Variants in FTO observed in about 807,000 individuals in gnomAD.
FTO encodes the protein FTO alpha-ketoglutarate dependent dioxygenase.
In FTO, 47 loss-of-function variants were observed where a neutral mutation model predicts 63.9. The observed-to-expected ratio is 0.74, with a 90% CI of 0.58 to 0.94. The LOEUF (loss-of-function observed/expected upper bound fraction) is 0.94. Among genes scored for constraint, FTO ranks in the 40% least tolerant of loss-of-function variants. FTO has a pLI of 0.00. For missense variants in FTO, 562 were observed against 618.1 expected (o/e 0.91, Z 0.96); for synonymous variants, 207 against 224.4 (o/e 0.92, Z 0.69).
At chr16:54,028,258 C>A (rs371119597) in intron 8 of FTO, among the ~76,000 whole-genome samples, 3 of 152,156 alleles carry the variant, frequency 2.0e-5, no homozygotes, top group Non-Finnish European at 4.4e-5. Context: ...GCTTGGCCCA[C>A]CAGTTGGGTA....
chr16:53,961,522 G>A (rs2083081162), intron 8 of FTO, among the ~76,000 whole-genome samples: 1 of 152,100 alleles, frequency 6.6e-6, no homozygotes, highest in South Asian at 2.1e-4. Context: ...TAAATTCTTT[G>A]AGCTAATTCA....
chr16:53,722,693 T>C (rs1054384226), intron 1 of FTO, among the ~76,000 whole-genome samples: 2 of 151,924 alleles, frequency 1.3e-5, no homozygotes, highest in African/African-American at 4.8e-5. Context: ...CCGGGTGTGG[T>C]GGTGTGTGCT....
chr16:53,724,579 C>T (rs1396388004), intron 1 of FTO, among the ~76,000 whole-genome samples: 2 of 152,200 alleles, frequency 1.3e-5, no homozygotes, highest in East Asian at 1.9e-4. Context: ...GCTAGCTCCT[C>T]CTCTTGAATG....
intron 3 of FTO, among the ~76,000 whole-genome samples, chr16:53,833,866 T>C (rs919891493): frequency 8.5e-5 from 13 of 152,246 alleles, no homozygotes; most frequent in Admixed American, 2.0e-4. Flanking sequence ...TAGCCATTTA[T>C]ATATCTTCTT....
chr16:53,811,669 A>G (rs933535382), intron 2 of FTO, among the ~76,000 whole-genome samples: 2 of 152,128 alleles, frequency 1.3e-5, no homozygotes, highest in African/African-American at 4.8e-5. Flanking sequence ...ACTGGCTCCT[A>G]CATTTTCAGC....
chr16:54,032,846 T>TGGACAGTGAGTGGGGTCTCAC (rs1424526950), intron 8 of FTO, among the ~76,000 whole-genome samples: 2 of 152,096 alleles, frequency 1.3e-5, no homozygotes, highest in Non-Finnish European at 2.9e-5. Flanking sequence ...CATGATCTCA[T>TGGACAGTGAGTGGGGTCTCAC]GGACAGTGAG....
intron 8 of FTO, among the ~76,000 whole-genome samples, chr16:54,097,230 T>C (rs537794762): frequency 6.6e-6 from 1 of 152,238 alleles, no homozygotes; most frequent in South Asian, 2.1e-4. Context: ...GATCCTAGGG[T>C]AAAGTAGTGG....
At chr16:54,079,509 G>A (rs1359169676) in intron 8 of FTO, among the ~76,000 whole-genome samples, 1 of 152,222 alleles carries the variant, frequency 6.6e-6, no homozygotes, top group East Asian at 1.9e-4. Context: ...TGCTACCCAA[G>A]TAATTGCTGC....
chr16:53,814,075 C>G (rs2078605254), intron 2 of FTO, among the ~76,000 whole-genome samples: 1 of 152,114 alleles, frequency 6.6e-6, no homozygotes, highest in South Asian at 2.1e-4. Context: ...ACTCTGAAGG[C>G]CCATGCTCTT....
chr16:54,074,911 AGAGAGAGTGTGTGTGT>A (rs2085953031), intron 8 of FTO, among the ~76,000 whole-genome samples: 1 of 115,772 alleles, frequency 8.6e-6, no homozygotes, highest in South Asian at 3.1e-4. Context: ...AGAGAGAGAG[AGAGAGAGTGTGTGTGT>A]GTGTGTGTGT....
At chr16:53,967,141 C>T (rs2083214413) in intron 8 of FTO, among the ~76,000 whole-genome samples, 1 of 152,118 alleles carries the variant, frequency 6.6e-6, no homozygotes, top group Non-Finnish European at 1.5e-5. Flanking sequence ...TTTATTTTCC[C>T]CTTTTTTTGC....
At chr16:53,723,429 G>A (rs1242541810) in intron 1 of FTO, among the ~76,000 whole-genome samples, 3 of 152,168 alleles carry the variant, frequency 2.0e-5, no homozygotes, top group Non-Finnish European at 4.4e-5. Flanking sequence ...AATGAATATG[G>A]TAAAATGAGT....
chr16:54,073,514 G>A (rs527596669), intron 8 of FTO, among the ~76,000 whole-genome samples: 8 of 151,956 alleles, frequency 5.3e-5, no homozygotes, highest in South Asian at 4.2e-4. Flanking sequence ...AATAGTCCCC[G>A]AGAAAGGAAG....
intron 6 of FTO, among the ~76,000 whole-genome samples, chr16:53,881,172 T>G (rs2080823063): frequency 7.1e-6 from 1 of 141,742 alleles, no homozygotes; most frequent in Admixed American, 6.9e-5. Flanking sequence ...AAAAAAGAAT[T>G]TTGGAGGGAC....
At chr16:53,970,594 AAAAAAAAAAAAAAGAAAAG>A (rs1467341489) in intron 8 of FTO, among the ~76,000 whole-genome samples, 1 of 151,062 alleles carries the variant, frequency 6.6e-6, no homozygotes, top group Non-Finnish European at 1.5e-5. Context: ...CCATCTCAAA[AAAAAAAAAAAAAAGAAAAG>A]AAAAAAGAAA....
intron 1 of FTO, among the ~76,000 whole-genome samples, chr16:53,772,013 A>G (rs1477278305): frequency 6.6e-6 from 1 of 152,064 alleles, no homozygotes; most frequent in African/African-American, 2.4e-5. Context: ...GGTAGTGAAA[A>G]TGTTCTGAAA....
intron 1 of FTO, among the ~76,000 whole-genome samples, chr16:53,760,187 C>T (rs997015139): frequency 6.6e-6 from 1 of 150,780 alleles, no homozygotes; most frequent in East Asian, 1.9e-4. Context: ...TCCTGTCTAC[C>T]AGTTAGTCTT....
At chr16:53,778,654 G>T (rs1048776148) in intron 1 of FTO, among the ~76,000 whole-genome samples, 2 of 152,094 alleles carry the variant, frequency 1.3e-5, no homozygotes, top group African/African-American at 4.8e-5. Flanking sequence ...ATATCTTGAA[G>T]GCCAATTTCC....
At position 54,118,595 on chromosome 16, in the gene FTO, T is replaced by C. The variant is rs1205566742; in HGVS notation, c.*6680T>C. On this transcript the variant is annotated 3_prime_UTR_variant, in exon 9 of 9. Coordinates refer to ENST00000471389, the MANE Select transcript of FTO (RefSeq NM_001080432.3). The stretch of plus-strand genomic sequence containing the variant: ...TTCAAACTCCGAGGCTCAAGTGATC[T>C]GCCTGCATCGGCCTCCCAAAGCGCT... 1 of 152,168 alleles carries C rather than the reference T, an allele frequency of 6.6e-6. No individual in the cohort carries two copies. The highest frequency in any genetic ancestry group is 1.5e-5 in the Non-Finnish European group (1 of 68,070). The allele number at this position is 152,168 out of a possible 1,614,324, so 9.4% of individuals were successfully genotyped here.
Sources: allele counts gnomAD v4.1 joint callset (sites outside exome capture counted in the v4.1 genomes callset), GRCh38; gene constraint gnomAD v4.1.1; transcripts MANE v1.5; gene names NCBI Gene and HGNC (gene_info 2026-07-23, HGNC 2026-07-21).